Variants in OLFML2B observed in about 807,000 individuals in gnomAD.
OLFML2B encodes olfactomedin like 2B.
Under a neutral mutation model 74.9 loss-of-function variants are expected in OLFML2B, and 57 were observed. That is an observed-to-expected ratio of 0.76 (90% confidence interval 0.61 to 0.95). The LOEUF is 0.95. Ranked by LOEUF, OLFML2B falls within the 40% of genes least tolerant of loss-of-function variation. The pLI, the probability that OLFML2B is intolerant of heterozygous loss-of-function variation, is 0.00. For synonymous variants in OLFML2B, 388 were observed against 405.8 expected (o/e 0.96, Z 0.53); for missense variants, 986 against 970.6 (o/e 1.02, Z -0.21).
At chr1:161,999,130 T>C (rs1370939168) in intron 5 of OLFML2B, among the ~76,000 whole-genome samples, 1 of 152,004 alleles carries the variant, frequency 6.6e-6, no homozygotes, top group South Asian at 2.1e-4. Context: ...CTGAAAGAAA[T>C]GGGGGAGGCT....
rs1013854063 is a variant in OLFML2B at position 162,017,810 on chromosome 1, A to C, written c.439-303T>G. On this transcript the variant is annotated intron_variant, in intron 2 of 7. Transcript: ENST00000294794. ...TTTATGAAATCTGTCAGTTGCATTG[A>C]CATCTGTCTTTCCTACTAGACTGTG... 1.4e-4 allele frequency among the ~76,000 whole-genome samples: 21 copies of C among 152,354 alleles called. No homozygotes were observed. The South Asian group carries it at 2.1e-3, about 15-fold the overall frequency.
chr1:161,998,054 C>T lies in OLFML2B; in HGVS notation c.1245G>A (p.Gln415=). 2 of 1,614,036 alleles carry T rather than the reference C, an allele frequency of 1.2e-6. No individual in the cohort carries two copies. The highest frequency in any genetic ancestry group is 8.5e-7 in the Non-Finnish European group (1 of 1,179,988). The change falls in exon 6 of 8, where the codon CAG becomes CAA. Residue 415 remains glutamine, a synonymous_variant. Transcript: ENST00000294794. The part of the protein sequence containing the change: ...TRESVLQPSP[Q]VPATTVAHTA... ...TGTGGGCCACAGTGGTGGCTGGTAC[C>T]TGAGGAGAAGGCTGCAGGACTGACT...
At position 161,997,946 on chromosome 1, in the gene OLFML2B, T is replaced by C; in HGVS notation, c.1353A>G (p.Pro451=). ...CTGTTCTGACTGTGGTGGGAGGCAC[T>C]GGGACTGTGTGCATAGCTTCCATCA... ...EALMEAMHTV[P]VPPTTVRTDS... Residue 451 remains proline (P), a synonymous_variant, in exon 6 of 8, where the codon CCA becomes CCG. Transcript: ENST00000294794. The C allele has an allele frequency of 6.2e-7, 1 of 1,614,190 alleles. No individual in the cohort carries two copies. Among genetic ancestry groups the C allele is most frequent in the Non-Finnish European group, 8.5e-7 (1 of 1,180,028 alleles).
At chr1:162,018,062 A>G (rs536101845) in intron 2 of OLFML2B, among the ~76,000 whole-genome samples, 1 of 152,330 alleles carries the variant, frequency 6.6e-6, no homozygotes, top group South Asian at 2.1e-4. Context: ...GTTCTCACTT[A>G]TAGGTGGGAG....
At chr1:161,994,424 A>T (rs1362703743) in intron 6 of OLFML2B, among the ~76,000 whole-genome samples, 1 of 152,214 alleles carries the variant, frequency 6.6e-6, no homozygotes, top group African/African-American at 2.4e-5. Context: ...TCTAGATTCA[A>T]ATAGGAGCCA....
In OLFML2B at chr1:162,014,393, C is replaced by T. The variant is rs540408383; in HGVS notation, c.546+3007G>A. On this transcript the variant is annotated intron_variant, in intron 3 of 7. Transcript: ENST00000294794. ...AATGAAGTTTCCATTCCTACCTCCT[C>T]CTATATACCCAAGGTGGAACTGTGG... Among the ~76,000 whole-genome samples, 28 of 152,300 alleles carry T rather than the reference C, an allele frequency of 1.8e-4. No homozygotes were observed. The South Asian group carries it at 5.8e-3, about 32-fold the overall frequency.
chr1:161,983,720 C>T lies in OLFML2B; in HGVS notation c.2208G>A (p.Trp736Ter), dbSNP rs1689492735. 1 of 1,613,366 alleles carries T rather than the reference C, an allele frequency of 6.2e-7. No individual in the cohort carries two copies. Among genetic ancestry groups the T allele is most frequent in the African/African-American group, 1.3e-5 (1 of 74,752 alleles). The change falls in exon 8 of 8, where the codon TGG becomes TGA. Residue 736 changes from tryptophan (W) to a stop codon, truncating the protein, a stop_gained. Coordinates refer to ENST00000294794, the MANE Select transcript of OLFML2B (RefSeq NM_015441.3). LOFTEE classifies it high-confidence loss of function. The stretch of plus-strand genomic sequence containing the variant: ...GGTAAGTGACCTGGTGGCCATTGTC[C>T]CAGGCATAGAGCAGGCGGTCCTTGG... ...YNPKDRLLYA[W>*]DNGHQVTYHV... is the part of the protein sequence containing the mutation.
intron 4 of OLFML2B, among the ~76,000 whole-genome samples, chr1:162,002,491 C>T (rs1429449036): frequency 1.3e-5 from 2 of 152,214 alleles, no homozygotes; most frequent in Non-Finnish European, 2.9e-5. Flanking sequence ...ACCTGGCCAC[C>T]ACGGCCAATG....
chr1:161,993,969 T>A, intron 6 of OLFML2B, among the ~76,000 whole-genome samples: 1 of 152,246 alleles, frequency 6.6e-6, no homozygotes, highest in East Asian at 1.9e-4. Flanking sequence ...AGATGAATTA[T>A]TAATACTAGA....
At chr1:161,997,088 C>T (rs569966169) in intron 6 of OLFML2B, among the ~76,000 whole-genome samples, 4 of 152,186 alleles carry the variant, frequency 2.6e-5, no homozygotes, top group South Asian at 2.1e-4. Flanking sequence ...ACCCAGGAGG[C>T]GGAGCTTGCA....
chr1:161,991,857 G>A (rs1375233819), intron 6 of OLFML2B, among the ~76,000 whole-genome samples: 3 of 152,224 alleles, frequency 2.0e-5, no homozygotes, highest in Non-Finnish European at 4.4e-5. Context: ...AGAGCACCAG[G>A]AGAGTAGATT....
At chr1:162,001,707 C>A (rs1690085199) in intron 4 of OLFML2B, among the ~76,000 whole-genome samples, 1 of 152,204 alleles carries the variant, frequency 6.6e-6, no homozygotes, top group Admixed American at 6.5e-5. Flanking sequence ...TTTCCACAGG[C>A]ACTATTTAGG....
At chr1:161,995,532 G>A (rs1354792330) in intron 6 of OLFML2B, among the ~76,000 whole-genome samples, 2 of 152,178 alleles carry the variant, frequency 1.3e-5, no homozygotes, top group African/African-American at 2.4e-5. Context: ...AGAGTTATAA[G>A]TGTCCCTGAA....
At chr1:161,984,444 C>T (rs1689529911) in intron 7 of OLFML2B, among the ~76,000 whole-genome samples, 168 bp from the exon 8 acceptor site, 1 of 152,232 alleles carries the variant, frequency 6.6e-6, no homozygotes, top group African/African-American at 2.4e-5. Flanking sequence ...GTCCGTGCCT[C>T]AGTGTCCTTA....
In OLFML2B at chr1:161,983,331, G is replaced by A. The variant is rs1689478686; in HGVS notation, c.*344C>T. ...TTCATTTCTGCTCCTGGTGTTGCCT[G>A]CCTCCTGCAAGACCCAGATGAAGAA... On this transcript the variant is annotated 3_prime_UTR_variant, in exon 8 of 8. Transcript: ENST00000294794. 5.5e-6 allele frequency: 1 copy of A among 181,528 alleles called. No homozygotes were observed. Among genetic ancestry groups the A allele is most frequent in the East Asian group, 1.4e-4 (1 of 6,980 alleles). 11.2% of individuals were successfully genotyped at this position (181,528 alleles called of 1,614,324 possible). A position where few individuals can be genotyped will look rare whatever the true frequency, so the allele number is the denominator to read the frequency against.
At position 161,997,928 on chromosome 1, in the gene OLFML2B, G is replaced by A; in HGVS notation, c.1371C>T (p.Val457=). 1 of 1,614,208 alleles carries A rather than the reference G, an allele frequency of 6.2e-7. No individual in the cohort carries two copies. The highest frequency in any genetic ancestry group is 1.1e-5 in the South Asian group (1 of 91,066). The change falls in exon 6 of 8, where the codon GTC becomes GTT. Residue 457 remains valine, a synonymous_variant. Transcript: ENST00000294794. ...CATCTTTCCCCAGCGAGTCTGTTCT[G>A]ACTGTGGTGGGAGGCACTGGGACTG... ...MHTVPVPPTT[V]RTDSLGKDAP...
chr1:162,019,612 T>G (rs953011789), intron 2 of OLFML2B, among the ~76,000 whole-genome samples: 2 of 152,178 alleles, frequency 1.3e-5, no homozygotes, highest in Non-Finnish European at 2.9e-5. Flanking sequence ...GATAGTAAAT[T>G]GTGGCAGCAA....
rs56395023 is a variant in OLFML2B, at chr1:162,022,244, C to CTTTTTTTTTTTT, written c.174+1001_174+1012dup. Among the ~76,000 whole-genome samples, 10 of 70,774 alleles carry CTTTTTTTTTTTT rather than the reference C, an allele frequency of 1.4e-4. No homozygotes were observed. In the East Asian group the frequency reaches 2.2e-3, roughly 16 times the overall value. The allele number at this position is 70,774 out of a possible 152,430, so 46.4% of individuals were successfully genotyped here. On this transcript the variant is annotated intron_variant, in intron 1 of 7. Transcript: ENST00000294794. ...CCCTGGCTCTACCCATGTATCTCTT[C>CTTTTTTTTTTTT]TTTTTTTTTTTTTTTTTTTTTTTTG...
intron 4 of OLFML2B, among the ~76,000 whole-genome samples, chr1:162,001,642 C>T (rs1690083065): frequency 6.6e-6 from 1 of 152,214 alleles, no homozygotes; most frequent in Non-Finnish European, 1.5e-5. Flanking sequence ...AAGCTGAACA[C>T]AAGTCCTAAT....
Sources: gnomAD v4.1 joint callset for allele counts (sites outside exome capture counted in the v4.1 genomes callset) on GRCh38, gnomAD v4.1.1 for gene constraint, MANE v1.5 for transcripts, NCBI Gene and HGNC (gene_info 2026-07-23, HGNC 2026-07-21) for gene names.